Variants in PCDHGA6 observed in about 807,000 individuals in gnomAD.
PCDHGA6 encodes the protein protocadherin gamma subfamily A, 6.
PCDHGA6 carries 41 observed loss-of-function variants against 60.6 expected under a neutral mutation model. The observed-to-expected ratio is 0.68, with a 90% CI of 0.53 to 0.88. The LOEUF (loss-of-function observed/expected upper bound fraction) is 0.88, where lower values mean the gene tolerates loss of function less well. Among genes scored for constraint, PCDHGA6 ranks in the 40% least tolerant of loss-of-function variants. The pLI is 0.00. For synonymous variants in PCDHGA6, 594 were observed against 524.4 expected (o/e 1.13, Z -1.81); for missense variants, 1,312 against 1,203.0 (o/e 1.09, Z -1.34).
intron 1 of PCDHGA6, chr5:141,478,557 G>A (rs1316386006): frequency 1.2e-6 from 2 of 1,600,016 alleles, no homozygotes; most frequent in Non-Finnish European, 1.7e-6. Context: ...GTAAGGTTTA[G>A]CAAGTCATGC....
At position 141,489,657 on chromosome 5, in the gene PCDHGA6, G is replaced by T. The variant is rs755618175; in HGVS notation, c.2425-5150G>T. 6.2e-7 allele frequency: 1 copy of T among 1,614,198 alleles called. No individual in the cohort carries two copies. Among genetic ancestry groups the T allele is most frequent in the Admixed American group, 1.7e-5 (1 of 60,030 alleles). ...CTAGCTTTGCCACCCCTGAGCGAGA[G>T]ATGCGCATCTCAGAATCAGCAGCAT... On this transcript the variant is annotated intron_variant, in intron 1 of 3. Coordinates refer to ENST00000517434, the MANE Select transcript of PCDHGA6 (RefSeq NM_018919.3). This position sits in a 1 kb window ranked among gnomAD's most constrained non-coding sequence, Gnocchi z 4.5.
At chr5:141,453,919 C>T (rs142719452) in intron 1 of PCDHGA6, among the ~76,000 whole-genome samples, 2 of 152,318 alleles carry the variant, frequency 1.3e-5, no homozygotes, top group African/African-American at 4.8e-5. Flanking sequence ...TGTCAGTGAT[C>T]AGTCACTGTG....
Position 141,432,377 on chromosome 5 carries a change from C to T in PCDHGA6, c.2424+55870C>T. 3.7e-6 allele frequency: 6 copies of T among 1,614,240 alleles called. No homozygotes were observed. Among genetic ancestry groups the T allele is most frequent in the Non-Finnish European group, 5.1e-6 (6 of 1,180,046 alleles). On this transcript the variant is annotated intron_variant, in intron 1 of 3. Transcript: ENST00000517434. This position sits in a 1 kb window ranked among gnomAD's most constrained non-coding sequence, Gnocchi z 6.0. ...AGTGATGGCGCGGGACAACGGGCAC[C>T]CGCCCCTCAGCAGCAACGTGTCGTT...
At chr5:141,384,834 C>G (rs369584315) in intron 1 of PCDHGA6, 2 of 1,613,478 alleles carry the variant, frequency 1.2e-6, no homozygotes, top group Non-Finnish European at 1.7e-6. Flanking sequence ...TCGTGGTGGC[C>G]GTCCAGGACC....
intron 1 of PCDHGA6, among the ~76,000 whole-genome samples, chr5:141,438,211 A>G (rs767576436): frequency 7.8e-4 from 119 of 152,308 alleles, no homozygotes; most frequent in Admixed American, 2.3e-3. Context: ...CCATATGGGA[A>G]GGGCTCTGGT....
At chr5:141,460,335 T>C (rs1201595717) in intron 1 of PCDHGA6, among the ~76,000 whole-genome samples, 3 of 152,194 alleles carry the variant, frequency 2.0e-5, no homozygotes, top group Non-Finnish European at 4.4e-5. Flanking sequence ...CTTATGATGA[T>C]TTTCTCCTAT....
intron 1 of PCDHGA6, chr5:141,404,707 C>T: frequency 6.2e-7 from 1 of 1,614,122 alleles, no homozygotes; most frequent in Non-Finnish European, 8.5e-7. Flanking sequence ...CAGAGCCTGG[C>T]TACCTGGTGA....
At chr5:141,466,993 T>G (rs2099133598) in intron 1 of PCDHGA6, among the ~76,000 whole-genome samples, 1 of 152,148 alleles carries the variant, frequency 6.6e-6, no homozygotes, top group African/African-American at 2.4e-5. Context: ...CCTTTTGGCA[T>G]TTTTTTGCAA....
chr5:141,451,682 G>GA (rs1401536376), intron 1 of PCDHGA6, among the ~76,000 whole-genome samples: 1 of 152,128 alleles, frequency 6.6e-6, no homozygotes, highest in Non-Finnish European at 1.5e-5. Flanking sequence ...AGGAGTTCAA[G>GA]ACCAGCCTGG....
intron 1 of PCDHGA6, chr5:141,427,889 G>A: frequency 1.3e-6 from 2 of 1,566,516 alleles, no homozygotes; most frequent in Non-Finnish European, 1.7e-6. Context: ...CCCACGACCA[G>A]GGCTCGCCCG....
rs2094486958 is a variant in PCDHGA6, at chr5:141,404,117, A to C, written c.2424+27610A>C. 3 of 1,613,468 alleles carry C rather than the reference A, an allele frequency of 1.9e-6. No homozygotes were observed. Among genetic ancestry groups the C allele is most frequent in the Non-Finnish European group, 1.7e-6 (2 of 1,179,548 alleles). On this transcript the variant is annotated intron_variant, in intron 1 of 3. Coordinates refer to ENST00000517434, the MANE Select transcript of PCDHGA6 (RefSeq NM_018919.3). ...TCAAGTTGTCTGTTCTATCCAGGAG[A>C]ATCTATCTTTTACATTAGAAAATTC...
At position 141,438,276 on chromosome 5, in the gene PCDHGA6, ATAATT is replaced by A. The variant is rs533892835; in HGVS notation, c.2425-56526_2425-56522del. ...TGAAGAGACCATAGAATCAAACAAA[ATAATT>A]TAATCTGTATGTAAAAGAAGTTGGT... On this transcript the variant is annotated intron_variant, in intron 1 of 3. Coordinates refer to ENST00000517434, the MANE Select transcript of PCDHGA6 (RefSeq NM_018919.3). 1.4e-3 allele frequency among the ~76,000 whole-genome samples: 213 copies of A among 152,246 alleles called. 1 individual carries two copies. The highest frequency in any genetic ancestry group is 4.8e-3 in the African/African-American group (199 of 41,534).
At chr5:141,390,003 C>T in intron 1 of PCDHGA6, 1 of 1,614,056 alleles carries the variant, frequency 6.2e-7, no homozygotes, top group Non-Finnish European at 8.5e-7. Flanking sequence ...GGCCATGATT[C>T]TGGCCATTGC....
In PCDHGA6 at chr5:141,384,194, T is replaced by A. The variant is rs763395046; in HGVS notation, c.2424+7687T>A. 4.3e-6 allele frequency: 7 copies of A among 1,613,674 alleles called. No homozygotes were observed. In the East Asian group the frequency reaches 1.3e-4, roughly 31 times the overall value. ...GCCACAGATGGTGGAACTCCTCCCT[T>A]GTCCAGGGAAACTCACATATTCATG... On this transcript the variant is annotated intron_variant, in intron 1 of 3. Transcript: ENST00000517434.
chr5:141,480,955 G>A (rs2154578440), intron 1 of PCDHGA6, among the ~76,000 whole-genome samples: 1 of 152,304 alleles, frequency 6.6e-6, no homozygotes, highest in South Asian at 2.1e-4. Context: ...TGAGGCGGAA[G>A]CATCAGTGAG....
At chr5:141,435,510 T>C (rs72790047) in intron 1 of PCDHGA6, among the ~76,000 whole-genome samples, 9,714 of 152,280 alleles carry the variant, frequency 0.064, 363 homozygotes, top group African/African-American at 0.099. Context: ...ATGATACTAA[T>C]GATGACTTTG....
intron 1 of PCDHGA6, chr5:141,395,506 G>T: frequency 4.6e-6 from 2 of 433,794 alleles, no homozygotes; most frequent in Non-Finnish European, 8.1e-6. Flanking sequence ...CACTTAAGAA[G>T]TAGCTACCCG....
At position 141,450,045 on chromosome 5, in the gene PCDHGA6, C is replaced by T. The variant is rs369046547; in HGVS notation, c.2425-44762C>T. On this transcript the variant is annotated intron_variant, in intron 1 of 3. Transcript: ENST00000517434. Reference sequence around the variant, plus strand: ...TTTTTGAGACAGGGTCTCACTCTTTCGCCCAGGCTGGAATGCAGTGGTATG... The same window carrying T: ...TTTTTGAGACAGGGTCTCACTCTTTTGCCCAGGCTGGAATGCAGTGGTATG... 4.6e-5 allele frequency among the ~76,000 whole-genome samples: 6 copies of T among 129,508 alleles called. No individual in the cohort carries two copies. In the South Asian group the frequency reaches 9.6e-4, roughly 21 times the overall value. 85.0% of individuals were successfully genotyped at this position (129,508 alleles called of 152,430 possible).
intron 1 of PCDHGA6, among the ~76,000 whole-genome samples, chr5:141,458,526 A>T (rs921943954): frequency 1.7e-4 from 26 of 151,492 alleles, no homozygotes; most frequent in African/African-American, 5.6e-4. Flanking sequence ...TTTTTTTTTA[A>T]CTTATCAACT....
Sources: allele counts gnomAD v4.1 joint callset (sites outside exome capture counted in the v4.1 genomes callset), GRCh38; gene constraint gnomAD v4.1.1; non-coding constraint Gnocchi (gnomAD v3.1); transcripts MANE v1.5; gene names NCBI Gene and HGNC (gene_info 2026-07-23, HGNC 2026-07-21).